ANKRD31: variants seen among roughly 807,000 people sequenced by gnomAD.
ANKRD31 encodes the protein ankyrin repeat domain-containing protein 31.
In ANKRD31, 147 loss-of-function variants were observed where a neutral mutation model predicts 186.0. That is an observed-to-expected ratio of 0.79 (90% CI 0.69 to 0.91). The LOEUF (loss-of-function observed/expected upper bound fraction) is 0.91, where lower values mean the gene tolerates loss of function less well. ANKRD31 is among the 40% of genes least tolerant of loss of function. ANKRD31 has a pLI of 0.00. For missense variants in ANKRD31, 1,986 were observed against 2,148.8 expected (o/e 0.92, Z 1.50); for synonymous variants, 673 against 736.4 (o/e 0.91, Z 1.39).
chr5:75,088,136 C>T (rs74797395), intron 23 of ANKRD31, among the ~76,000 whole-genome samples: 2,163 of 152,278 alleles, frequency 0.014, 30 homozygotes, highest in South Asian at 0.039. Flanking sequence ...GGCTGTCTGT[C>T]GAGATGAACA....
intron 1 of ANKRD31, among the ~76,000 whole-genome samples, chr5:75,235,012 C>T (rs1161480166): frequency 6.6e-6 from 1 of 151,762 alleles, no homozygotes; most frequent in Admixed American, 6.6e-5. Flanking sequence ...CACTAAATTC[C>T]CATATGTATG....
At chr5:75,166,540 T>C (rs1022460950) in intron 11 of ANKRD31, among the ~76,000 whole-genome samples, 1 of 152,104 alleles carries the variant, frequency 6.6e-6, no homozygotes, top group African/African-American at 2.4e-5. Flanking sequence ...AATCACCATG[T>C]CTGAGGCCTA....
At chr5:75,132,845 G>C (rs550788973) in intron 17 of ANKRD31, among the ~76,000 whole-genome samples, 9 of 152,296 alleles carry the variant, frequency 5.9e-5, no homozygotes, top group South Asian at 4.1e-4. Context: ...AGCCAGAAGA[G>C]AGTGGGGGCC....
chr5:75,187,110 T>TTTTG lies in ANKRD31; in HGVS notation c.1564+1382_1564+1383insCAAA, dbSNP rs367871687. ...AACAAACATTGCCGGTGATTCTGTTTTGTGTGTGTGTGTGTGTGTGTGTGT... is the reference window on the plus strand; with the variant it reads ...AACAAACATTGCCGGTGATTCTGTTTTTTGTGTGTGTGTGTGTGTGTGTGTGTGT... On this transcript the variant is annotated intron_variant, in intron 10 of 25. Transcript: ENST00000506364. Among the ~76,000 whole-genome samples the TTTTG allele has an allele frequency of 1.1e-3, 131 of 116,254 alleles. 1 individual carries two copies. Among genetic ancestry groups the TTTTG allele is most frequent in the African/African-American group, 4.5e-3 (128 of 28,218 alleles). The allele number at this position is 116,254 out of a possible 152,430, so 76.3% of individuals were successfully genotyped here.
intron 5 of ANKRD31, among the ~76,000 whole-genome samples, chr5:75,202,110 T>C (rs182156684): frequency 5.9e-5 from 9 of 152,316 alleles, no homozygotes; most frequent in Non-Finnish European, 1.3e-4. Flanking sequence ...CCCTAAAATG[T>C]ATAAAACTAG....
intron 4 of ANKRD31, among the ~76,000 whole-genome samples, chr5:75,207,315 A>G (rs984826493): frequency 1.3e-5 from 2 of 151,916 alleles, no homozygotes; most frequent in Non-Finnish European, 2.9e-5. Context: ...AAGCAAATAG[A>G]AAAGAATGCT....
chr5:75,146,133 G>T lies in ANKRD31; in HGVS notation c.3278C>A (p.Thr1093Asn), dbSNP rs748212942. Residue 1093 changes from threonine (T) to asparagine (N), a missense_variant, in exon 14 of 26, where the codon ACT becomes AAT. Physicochemically the swap from Thr to Asn is moderately conservative, Grantham distance 65 (BLOSUM62 0). Transcript: ENST00000506364. Reference protein sequence around the residue: ...IVAHSQVIETTKVEKRRQNHL... With the variant: ...IVAHSQVIETNKVEKRRQNHL... ...GTTTTGTCTCCTTTTTTCAACTTTA[G>T]TTGTTTCTATTACTTGAGAATGAGC... The T allele has an allele frequency of 5.2e-6, 8 of 1,535,560 alleles. No individual in the cohort carries two copies. In the South Asian group the frequency reaches 6.0e-5, roughly 11 times the overall value.
At chr5:75,104,206 TA>T (rs1561423463) in intron 22 of ANKRD31, 21 bp downstream of exon 22, 2 of 1,452,406 alleles carry the variant, frequency 1.4e-6, no homozygotes, top group East Asian at 5.0e-5. Context: ...TGCATGATTT[TA>T]GAGAAAAAAA....
At chr5:75,092,898 A>C (rs1352560521) in intron 22 of ANKRD31, among the ~76,000 whole-genome samples, 2 of 152,198 alleles carry the variant, frequency 1.3e-5, no homozygotes, top group African/African-American at 4.8e-5. Flanking sequence ...ACAGAATATC[A>C]ATAAAAAAGA....
At chr5:75,183,608 T>C (rs993457627) in intron 10 of ANKRD31, among the ~76,000 whole-genome samples, 7 of 152,066 alleles carry the variant, frequency 4.6e-5, no homozygotes, top group Non-Finnish European at 8.8e-5. Context: ...TGTTTCTATA[T>C]GCTAAATAGT....
At chr5:75,099,040 C>A (rs1207424719) in intron 22 of ANKRD31, among the ~76,000 whole-genome samples, 1 of 152,090 alleles carries the variant, frequency 6.6e-6, no homozygotes, top group Non-Finnish European at 1.5e-5. Flanking sequence ...CAGTTTTTGC[C>A]CATTCAGTAT....
chr5:75,204,853 T>C (rs1358951528), intron 5 of ANKRD31, among the ~76,000 whole-genome samples: 1 of 152,146 alleles, frequency 6.6e-6, no homozygotes, highest in Non-Finnish European at 1.5e-5. Context: ...ATTAAGAAAA[T>C]GCACAGATAT....
At chr5:75,086,557 G>T (rs4298240) in intron 23 of ANKRD31, among the ~76,000 whole-genome samples, 15,142 of 152,196 alleles carry the variant, frequency 0.099, 781 homozygotes, top group East Asian at 0.14. Flanking sequence ...CAGGCTTTTG[G>T]ACAACATAGC....
chr5:75,147,644 G>A, intron 13 of ANKRD31, 139 bp from the exon 14 acceptor site: 1 of 688,248 alleles, frequency 1.5e-6, no homozygotes, highest in South Asian at 2.8e-5. Flanking sequence ...ATCCTGCTGG[G>A]ATATAGCCAA....
chr5:75,207,327 A>AT (rs145717414), intron 4 of ANKRD31, among the ~76,000 whole-genome samples: 3,971 of 152,192 alleles, frequency 0.026, 156 homozygotes, highest in African/African-American at 0.09. Context: ...AAGAATGCTG[A>AT]TTTTTTTCCT....
chr5:75,187,338 T>C (rs566786108), intron 10 of ANKRD31, among the ~76,000 whole-genome samples: 42 of 151,648 alleles, frequency 2.8e-4, no homozygotes, highest in African/African-American at 1.0e-3. Flanking sequence ...CAGGAAAATA[T>C]GATAGGGATA....
At chr5:75,098,653 TG>T (rs1746539966) in intron 22 of ANKRD31, among the ~76,000 whole-genome samples, 1 of 152,194 alleles carries the variant, frequency 6.6e-6, no homozygotes, top group African/African-American at 2.4e-5. Context: ...TCACATCCCT[TG>T]TAAGTTGGAT....
chr5:75,226,743 G>A (rs1219421592), intron 2 of ANKRD31, among the ~76,000 whole-genome samples: 1 of 152,076 alleles, frequency 6.6e-6, no homozygotes, highest in African/African-American at 2.4e-5. Flanking sequence ...GTTACAAATG[G>A]CCTTTATGCA....
intron 11 of ANKRD31, among the ~76,000 whole-genome samples, chr5:75,158,822 A>G (rs1398969463): frequency 6.6e-6 from 1 of 152,014 alleles, no homozygotes; most frequent in Non-Finnish European, 1.5e-5. Context: ...GAAGGAGAGA[A>G]AGACAGACAT....
Sources: allele counts gnomAD v4.1 joint callset (sites outside exome capture counted in the v4.1 genomes callset), GRCh38; gene constraint gnomAD v4.1.1; transcripts MANE v1.5; gene names NCBI Gene and HGNC (gene_info 2026-07-23, HGNC 2026-07-21).